Variants in CEP126 observed in about 807,000 individuals in gnomAD.
CEP126 encodes the protein centrosomal protein 126.
A neutral mutation model predicts 107.8 loss-of-function variants in CEP126; 74 were observed. The ratio of observed to expected loss-of-function variants is 0.69; its 90% CI spans 0.57 to 0.83. CEP126 has a LOEUF of 0.83. CEP126 is among the 40% of genes least tolerant of loss of function. The probability of loss-of-function intolerance (pLI) is 0.00; values close to 1 mark genes in which losing one functional copy is unlikely to be tolerated. For missense variants in CEP126, 1,237 were observed against 1,281.9 expected (o/e 0.96, Z 0.53); for synonymous variants, 449 against 446.0 (o/e 1.01, Z -0.08).
chr11:101,915,784 A>G (rs1197605218), intron 1 of CEP126, among the ~76,000 whole-genome samples: 2 of 152,240 alleles, frequency 1.3e-5, no homozygotes, highest in Non-Finnish European at 2.9e-5. Context: ...AATTACACAA[A>G]TAAGTAAAAT....
chr11:101,937,524 G>A (rs1025244099), intron 2 of CEP126, among the ~76,000 whole-genome samples: 2 of 152,166 alleles, frequency 1.3e-5, no homozygotes, highest in African/African-American at 4.8e-5. Context: ...GATTAGAGAT[G>A]CTTAACCTGT....
intron 2 of CEP126, among the ~76,000 whole-genome samples, chr11:101,927,824 A>G (rs2137082879): frequency 6.6e-6 from 1 of 152,300 alleles, no homozygotes; most frequent in South Asian, 2.1e-4. Context: ...GAAGGACATG[A>G]TATGTCAGTC....
intron 4 of CEP126, among the ~76,000 whole-genome samples, chr11:101,951,348 C>A (rs114921949): frequency 0.026 from 3,874 of 151,790 alleles, 73 homozygotes; most frequent in African/African-American, 0.046. Flanking sequence ...TACACACACA[C>A]AAAAAATGTA....
chr11:101,981,833 A>C, intron 7 of CEP126, 56 bp from the exon 8 acceptor site: 1 of 1,027,972 alleles, frequency 9.7e-7, no homozygotes, highest in East Asian at 2.6e-5. Context: ...GTTCATGTAC[A>C]TATTATGAAT....
intron 9 of CEP126, among the ~76,000 whole-genome samples, chr11:101,990,734 C>T (rs953132878): frequency 5.3e-5 from 8 of 151,340 alleles, no homozygotes; most frequent in Non-Finnish European, 1.0e-4. Context: ...CAGGCAAGAG[C>T]ATAAAGAGAG....
At chr11:101,983,723 C>CA (rs1011617344) in intron 8 of CEP126, among the ~76,000 whole-genome samples, 1 of 152,054 alleles carries the variant, frequency 6.6e-6, no homozygotes, top group African/African-American at 2.4e-5. Flanking sequence ...TGTTGTTACT[C>CA]AAAAAAACAT....
In CEP126 at chr11:101,963,802, C is replaced by G. The variant is rs1195272548; in HGVS notation, c.2767C>G (p.Leu923Val). The change falls in exon 6 of 11, where the codon CTA (leucine) becomes GTA (valine). Residue 923 changes from leucine to valine, a missense_variant. Physicochemically the swap from Leu to Val is conservative, Grantham distance 32 (BLOSUM62 1). This residue lies in a region of CEP126 where 1,134 missense variants were observed against 1,150.5 expected (regional missense o/e 0.99). Transcript: ENST00000263468. ...TGAAGAAAGTTATCCGTCTGTGACT[C>G]TAAGAACTGCTGAAGAAGAATCAGT... Reference protein sequence around the residue: ...VCEESYPSVTLRTAEEESVPL... With the variant: ...VCEESYPSVTVRTAEEESVPL... 2 of 1,613,982 alleles carry G rather than the reference C, an allele frequency of 1.2e-6. No homozygotes were observed. The highest frequency in any genetic ancestry group is 1.6e-4 in the Middle Eastern group (1 of 6,084).
intron 4 of CEP126, chr11:101,956,020 T>C (rs776738566): frequency 2.2e-6 from 1 of 456,498 alleles, no homozygotes; most frequent in South Asian, 1.5e-5. Context: ...TTAAATATCA[T>C]CCTTGTCCTC....
chr11:101,948,822 AAT>A (rs1337395958), intron 4 of CEP126, among the ~76,000 whole-genome samples: 5 of 152,236 alleles, frequency 3.3e-5, no homozygotes, highest in African/African-American at 1.2e-4. Flanking sequence ...AGAAATATAG[AAT>A]AGTGCCAAAT....
In CEP126 at chr11:101,921,726, C is replaced by A. The variant is rs1208962463; in HGVS notation, c.129-915C>A. 1.8e-4 allele frequency among the ~76,000 whole-genome samples: 22 copies of A among 122,696 alleles called. No individual in the cohort carries two copies. The East Asian group carries it at 3.9e-3, about 22-fold the overall frequency. 80.5% of individuals were successfully genotyped at this position (122,696 alleles called of 152,430 possible). A position where few individuals can be genotyped will look rare whatever the true frequency, so the allele number is the denominator to read the frequency against. On this transcript the variant is annotated intron_variant, in intron 1 of 10. Transcript: ENST00000263468. Reference sequence around the variant, plus strand: ...TGTCTCAAAAAAAAAAAAAAAAAAACTGTGTAATGAATGAAGATATACAGT... The same window carrying A: ...TGTCTCAAAAAAAAAAAAAAAAAAAATGTGTAATGAATGAAGATATACAGT...
chr11:101,935,666 T>C (rs1940566787), intron 2 of CEP126, among the ~76,000 whole-genome samples: 1 of 152,146 alleles, frequency 6.6e-6, no homozygotes, highest in Admixed American at 6.5e-5. Context: ...TTTTGTTCCA[T>C]TGGTCTGTTT....
At chr11:101,948,533 A>G (rs1316335683) in intron 4 of CEP126, among the ~76,000 whole-genome samples, 2 of 152,126 alleles carry the variant, frequency 1.3e-5, no homozygotes, top group African/African-American at 4.8e-5. Flanking sequence ...GTTTTTCCTC[A>G]CTGAAAATCT....
At chr11:101,980,204 C>T (rs1222617831) in intron 7 of CEP126, among the ~76,000 whole-genome samples, 1 of 152,094 alleles carries the variant, frequency 6.6e-6, no homozygotes, top group African/African-American at 2.4e-5. Context: ...GATATAACTT[C>T]CTGATTACAA....
At chr11:101,965,602 G>C (rs1025076089) in intron 6 of CEP126, among the ~76,000 whole-genome samples, 1 of 151,980 alleles carries the variant, frequency 6.6e-6, no homozygotes, top group Non-Finnish European at 1.5e-5. Context: ...TGTAACTTTA[G>C]CTTTCACAAC....
Position 101,977,876 on chromosome 11 carries a change from G to A in CEP126, c.2846-471G>A, listed in dbSNP as rs1486785068. Reference sequence around the variant, plus strand: ...AGAGCTAATGAATGATGACACCACTGTCAACCTCTCACGCTTGGAATTTTA... The same window carrying A: ...AGAGCTAATGAATGATGACACCACTATCAACCTCTCACGCTTGGAATTTTA... On this transcript the variant is annotated intron_variant, in intron 6 of 10. Coordinates refer to ENST00000263468, the MANE Select transcript of CEP126 (RefSeq NM_020802.4). Among the ~76,000 whole-genome samples, 14 of 152,204 alleles carry A rather than the reference G, an allele frequency of 9.2e-5. 1 individual carries two copies. In the East Asian group the frequency reaches 2.7e-3, roughly 29 times the overall value.
chr11:101,980,196 T>A (rs1252863436), intron 7 of CEP126, among the ~76,000 whole-genome samples: 1 of 152,188 alleles, frequency 6.6e-6, no homozygotes, highest in Non-Finnish European at 1.5e-5. Flanking sequence ...TAATTATAGA[T>A]ATAACTTCCT....
intron 2 of CEP126, among the ~76,000 whole-genome samples, chr11:101,930,332 A>T (rs1401745330): frequency 1.3e-5 from 2 of 152,186 alleles, no homozygotes; most frequent in African/African-American, 4.8e-5. Flanking sequence ...GATTACTTAT[A>T]ATAACTAATA....
At chr11:101,985,988 A>ATTTTTT (rs773628925) in intron 8 of CEP126, among the ~76,000 whole-genome samples, 18 of 126,476 alleles carry the variant, frequency 1.4e-4, no homozygotes, top group Admixed American at 3.4e-4. Flanking sequence ...CTCTGAATTG[A>ATTTTTT]TTTCTTTTTT....
chr11:101,962,842 A>G lies in CEP126; in HGVS notation c.1807A>G (p.Asn603Asp). 1 of 1,603,476 alleles carries G rather than the reference A, an allele frequency of 6.2e-7. No homozygotes were observed. The highest frequency in any genetic ancestry group is 8.5e-7 in the Non-Finnish European group (1 of 1,177,548). ...LIINQSFKFGNQKAAAIRDSI... is the reference protein window; with the variant it reads ...LIINQSFKFGDQKAAAIRDSI... ...TATAAATCAGAGCTTTAAGTTTGGA[A>G]ATCAAAAAGCAGCAGCTATCAGAGA... Residue 603 changes from asparagine to aspartate, a missense_variant, in exon 6 of 11, where the codon AAT (asparagine) becomes GAT (aspartate). Asn to Asp is a conservative substitution (Grantham distance 23). Coordinates refer to ENST00000263468, the MANE Select transcript of CEP126 (RefSeq NM_020802.4).
Sources: allele counts gnomAD v4.1 joint callset (sites outside exome capture counted in the v4.1 genomes callset), GRCh38; gene constraint gnomAD v4.1.1; regional missense constraint gnomAD v4.1.1; transcripts MANE v1.5; gene names NCBI Gene and HGNC (gene_info 2026-07-23, HGNC 2026-07-21).